Variants in NDRG3 observed in about 807,000 individuals in gnomAD.
The protein encoded by NDRG3 is protein NDRG3.
A neutral mutation model predicts 57.2 loss-of-function variants in NDRG3; 23 were observed. The ratio of observed to expected loss-of-function variants is 0.40; its 90% CI spans 0.29 to 0.57. The LOEUF is 0.57. Ranked by LOEUF, NDRG3 falls within the 20% of genes least tolerant of loss-of-function variation. The probability of loss-of-function intolerance (pLI) is 0.42; values close to 1 mark genes in which losing one functional copy is unlikely to be tolerated. For synonymous variants in NDRG3, 132 were observed against 162.6 expected (o/e 0.81, Z 1.43); for missense variants, 384 against 457.3 (o/e 0.84, Z 1.46).
chr20:36,722,355 C>T (rs955547351), intron 1 of NDRG3, among the ~76,000 whole-genome samples: 2 of 152,198 alleles, frequency 1.3e-5, no homozygotes, highest in African/African-American at 4.8e-5. Context: ...AGAGGACCTA[C>T]ACAGCCCACA....
intron 4 of NDRG3, among the ~76,000 whole-genome samples, chr20:36,688,368 C>T (rs1981964621): frequency 6.7e-6 from 1 of 149,002 alleles, no homozygotes; most frequent in South Asian, 2.1e-4. Flanking sequence ...TAACCTGAAA[C>T]ATATTTAAAA....
At chr20:36,672,706 G>A (rs1980279801) in intron 8 of NDRG3, among the ~76,000 whole-genome samples, 1 of 151,970 alleles carries the variant, frequency 6.6e-6, no homozygotes, top group South Asian at 2.1e-4. Flanking sequence ...GTGTGCGCCT[G>A]TAGTCCCACC....
intron 1 of NDRG3, among the ~76,000 whole-genome samples, chr20:36,726,275 C>T (rs565069795): frequency 1.3e-4 from 20 of 152,260 alleles, no homozygotes; most frequent in South Asian, 6.2e-4. Flanking sequence ...CCAACAAACA[C>T]TTAAACAAAG....
rs564521546 is a variant in NDRG3 at position 36,689,999 on chromosome 20, C to A, written c.94-1215G>T. On this transcript the variant is annotated intron_variant, in intron 3 of 15. Coordinates refer to ENST00000349004, the MANE Select transcript of NDRG3 (RefSeq NM_032013.4). ...CCTCCCAAAGTGCTGAGATTACAGA[C>A]GTGAGCCACCGCGCCCAGCCTGTAA... Among the ~76,000 whole-genome samples the A allele has an allele frequency of 2.0e-5, 3 of 152,076 alleles. No homozygotes were observed. In the East Asian group the frequency reaches 5.8e-4, roughly 29 times the overall value.
intron 1 of NDRG3, among the ~76,000 whole-genome samples, chr20:36,742,720 G>A (rs1985979925): frequency 6.6e-6 from 1 of 152,078 alleles, no homozygotes; most frequent in Non-Finnish European, 1.5e-5. Flanking sequence ...CTTGATTTTA[G>A]TACAGTTAAA....
intron 1 of NDRG3, among the ~76,000 whole-genome samples, chr20:36,736,888 C>T (rs2148226799): frequency 6.6e-6 from 1 of 152,246 alleles, no homozygotes. Flanking sequence ...ACTTAAGTAG[C>T]TGATATGCTC....
chr20:36,662,449 GT>G (rs1430383486), intron 12 of NDRG3, among the ~76,000 whole-genome samples: 1 of 152,060 alleles, frequency 6.6e-6, no homozygotes, highest in Non-Finnish European at 1.5e-5. Context: ...CTGACCTCAG[GT>G]GATCCACCAA....
At chr20:36,712,806 G>A (rs1448700987) in intron 2 of NDRG3, among the ~76,000 whole-genome samples, 3 of 151,506 alleles carry the variant, frequency 2.0e-5, no homozygotes, top group African/African-American at 7.3e-5. Flanking sequence ...ATGTTGCCCA[G>A]GGTGGTCTCC....
intron 2 of NDRG3, among the ~76,000 whole-genome samples, chr20:36,717,337 TA>T (rs1984334519): frequency 6.6e-6 from 1 of 152,270 alleles, no homozygotes; most frequent in African/African-American, 2.4e-5. Context: ...AGGTTGGTTC[TA>T]GTCTTCCTTT....
At chr20:36,712,108 G>T (rs575272629) in intron 2 of NDRG3, among the ~76,000 whole-genome samples, 2 of 151,698 alleles carry the variant, frequency 1.3e-5, no homozygotes, top group East Asian at 3.9e-4. Context: ...TTTTTTTGTT[G>T]TTGTTTTTTT....
chr20:36,703,144 G>A (rs1983343366), intron 3 of NDRG3, among the ~76,000 whole-genome samples: 1 of 151,924 alleles, frequency 6.6e-6, no homozygotes, highest in Non-Finnish European at 1.5e-5. Flanking sequence ...CAAAATAAGT[G>A]TTATTTATCT....
chr20:36,663,886 C>T (rs538997872), intron 12 of NDRG3, among the ~76,000 whole-genome samples: 1 of 152,276 alleles, frequency 6.6e-6, no homozygotes, highest in East Asian at 1.9e-4. Context: ...TCTTGGCTCA[C>T]TGCAGTCTCT....
chr20:36,737,677 T>A (rs1284463992), intron 1 of NDRG3, among the ~76,000 whole-genome samples: 1 of 152,202 alleles, frequency 6.6e-6, no homozygotes, highest in African/African-American at 2.4e-5. Flanking sequence ...ATCTGCATCC[T>A]GACCTCTATA....
chr20:36,713,896 T>TA (rs1292047105), intron 2 of NDRG3, among the ~76,000 whole-genome samples: 2 of 152,042 alleles, frequency 1.3e-5, no homozygotes, highest in African/African-American at 2.4e-5. Context: ...AATAAGCTGA[T>TA]AAAAAACTGT....
intron 12 of NDRG3, among the ~76,000 whole-genome samples, chr20:36,662,844 G>A (rs1448147509): frequency 6.6e-6 from 1 of 152,162 alleles, no homozygotes; most frequent in African/African-American, 2.4e-5. Flanking sequence ...GAAAGAGGGA[G>A]AGGCCTTATC....
At chr20:36,660,025 G>A (rs572822914) in intron 13 of NDRG3, among the ~76,000 whole-genome samples, 18 of 151,902 alleles carry the variant, frequency 1.2e-4, no homozygotes, top group African/African-American at 4.1e-4. Context: ...TGGCTAACAC[G>A]GTGAAACCCC....
At chr20:36,685,651 C>T (rs978660231) in intron 5 of NDRG3, among the ~76,000 whole-genome samples, 13 of 152,108 alleles carry the variant, frequency 8.5e-5, no homozygotes, top group African/African-American at 3.1e-4. Flanking sequence ...ATAATATGAA[C>T]CATCTGATCC....
At position 36,660,327 on chromosome 20, in the gene NDRG3, G is replaced by A. The variant is rs775749725; in HGVS notation, c.858+10C>T. ...ATAAGGGTTGGAAGTGAGGGAAGAA[G>A]GCACATTACCTTTAGCAAAGTTGTA... On this transcript the variant is annotated intron_variant, in intron 13 of 15. Coordinates refer to ENST00000349004, the MANE Select transcript of NDRG3 (RefSeq NM_032013.4). 6.3e-7 allele frequency: 1 copy of A among 1,595,452 alleles called. No individual in the cohort carries two copies. The highest frequency in any genetic ancestry group is 1.7e-5 in the Admixed American group (1 of 59,216).
At chr20:36,710,666 G>C (rs547872903) in intron 2 of NDRG3, among the ~76,000 whole-genome samples, 1 of 152,218 alleles carries the variant, frequency 6.6e-6, no homozygotes, top group African/African-American at 2.4e-5. Context: ...AATTAGCTGG[G>C]CATGGTGGCA....
Sources: gnomAD v4.1 joint callset for allele counts (sites outside exome capture counted in the v4.1 genomes callset) on GRCh38, gnomAD v4.1.1 for gene constraint, MANE v1.5 for transcripts, NCBI Gene and HGNC (gene_info 2026-07-23, HGNC 2026-07-21) for gene names.